The following SFMBT2 variants were observed in gnomAD, a reference collection of about 807,000 sequenced individuals.
SFMBT2 encodes Scm like with four mbt domains 2, also known as scm-like with four MBT domains protein 2.
A neutral mutation model predicts 110.1 loss-of-function variants in SFMBT2; 38 were observed. The ratio of observed to expected loss-of-function variants is 0.35; its 90% CI spans 0.27 to 0.45. The LOEUF (loss-of-function observed/expected upper bound fraction) is 0.45, where lower values mean the gene tolerates loss of function less well. SFMBT2 is among the 20% of genes least tolerant of loss of function. The pLI, the probability that SFMBT2 is intolerant of heterozygous loss-of-function variation, is 1.00. For missense variants in SFMBT2, 1,011 were observed against 1,094.9 expected (o/e 0.92, Z 1.08); for synonymous variants, 425 against 425.4 (o/e 1.00, Z 0.01).
At chr10:7,374,274 CA>C (rs980645580) in intron 2 of SFMBT2, among the ~76,000 whole-genome samples, 1 of 151,414 alleles carries the variant, frequency 6.6e-6, no homozygotes, top group Non-Finnish European at 1.5e-5. Flanking sequence ...CAAAACAAAA[CA>C]AAAAAAAGGA....
intron 4 of SFMBT2, among the ~76,000 whole-genome samples, chr10:7,349,491 CTT>C (rs774593252): frequency 2.3e-5 from 2 of 87,838 alleles, no homozygotes; most frequent in African/African-American, 4.7e-5. Context: ...GAGTTTTGCT[CTT>C]GTCTCCCAGG....
At chr10:7,359,896 T>C (rs996010167) in intron 4 of SFMBT2, among the ~76,000 whole-genome samples, 11 of 152,142 alleles carry the variant, frequency 7.2e-5, no homozygotes, top group African/African-American at 2.4e-4. Flanking sequence ...TTTACAGACC[T>C]CCTGCTATTT....
chr10:7,193,195 C>T (rs1838655898), intron 15 of SFMBT2, among the ~76,000 whole-genome samples: 1 of 152,188 alleles, frequency 6.6e-6, no homozygotes, highest in Non-Finnish European at 1.5e-5. Context: ...GCACACAGGA[C>T]AGGCCAGGTC....
chr10:7,276,938 G>A lies in SFMBT2; in HGVS notation c.824C>T (p.Ser275Phe), dbSNP rs1415422976. Reference protein sequence around the residue: ...ASEWKCTLEKSLIDAAKFPLP... With the variant: ...ASEWKCTLEKFLIDAAKFPLP... Reference sequence around the variant, plus strand: ...AGGAAATTTGGCAGCATCAATAAGGGATTTTTCCAGAGTACATTTCCATTC... The same window carrying A: ...AGGAAATTTGGCAGCATCAATAAGGAATTTTTCCAGAGTACATTTCCATTC... The change falls in exon 7 of 21, where the codon TCC (serine) becomes TTC (phenylalanine). Residue 275 changes from serine (S) to phenylalanine (F), a missense_variant. Physicochemically the swap from Ser to Phe is radical, Grantham distance 155. Coordinates refer to ENST00000397167, the MANE Select transcript of SFMBT2 (RefSeq NM_001387889.1). 5.7e-6 allele frequency: 5 copies of A among 872,774 alleles called. No homozygotes were observed. The Admixed American group carries it at 8.5e-5, about 15-fold the overall frequency. The allele number at this position is 872,774 out of a possible 1,614,324, so 54.1% of individuals were successfully genotyped here.
chr10:7,407,004 A>G (rs2249180), intron 1 of SFMBT2, among the ~76,000 whole-genome samples: 127,129 of 151,780 alleles, frequency 0.84, 53,398 homozygotes, highest in East Asian at 1. Flanking sequence ...AGGGAAGTGG[A>G]GAAGTGCGTG....
At chr10:7,233,071 C>T (rs1377676320) in intron 9 of SFMBT2, among the ~76,000 whole-genome samples, 1 of 152,152 alleles carries the variant, frequency 6.6e-6, no homozygotes, top group African/African-American at 2.4e-5. Context: ...GGAATAAAAA[C>T]TCCTCTTCTA....
chr10:7,232,316 T>A (rs1459057830), intron 9 of SFMBT2, among the ~76,000 whole-genome samples: 1 of 151,982 alleles, frequency 6.6e-6, no homozygotes, highest in Non-Finnish European at 1.5e-5. Flanking sequence ...AAAAAAAAAC[T>A]CCTACCCTTT....
At chr10:7,214,793 C>T in intron 11 of SFMBT2, 6 of 981,428 alleles carry the variant, frequency 6.1e-6, no homozygotes, top group Non-Finnish European at 7.3e-6. Flanking sequence ...TTTATTTTTC[C>T]CACCCATTCA....
At position 7,367,515 on chromosome 10, in the gene SFMBT2, T is replaced by G; in HGVS notation, c.436+134A>C. The G allele has an allele frequency of 7.1e-7, 1 of 1,407,358 alleles. No individual in the cohort carries two copies. Among genetic ancestry groups the G allele is most frequent in the Non-Finnish European group, 9.4e-7 (1 of 1,065,900 alleles). 87.2% of individuals were successfully genotyped at this position (1,407,358 alleles called of 1,614,324 possible). A position where few individuals can be genotyped will look rare whatever the true frequency, so the allele number is the denominator to read the frequency against. On this transcript the variant is annotated intron_variant, in intron 4 of 20. Transcript: ENST00000397167. The surrounding 1 kb of genome is among the most constrained non-coding windows in gnomAD (Gnocchi z 6.2). ...CAGCTAAGGAAACCTGAGAAACCACTCTGAAAGAACTGTGAGACCTTTGCA... is the reference window on the plus strand; with the variant it reads ...CAGCTAAGGAAACCTGAGAAACCACGCTGAAAGAACTGTGAGACCTTTGCA...
intron 15 of SFMBT2, among the ~76,000 whole-genome samples, chr10:7,192,488 A>G (rs1838630418): frequency 1.3e-5 from 2 of 152,200 alleles, no homozygotes; most frequent in Non-Finnish European, 1.5e-5. Context: ...AAAGCTTTCT[A>G]GTTTTTAGGT....
chr10:7,310,504 C>T (rs1842819882), intron 4 of SFMBT2, among the ~76,000 whole-genome samples: 1 of 152,176 alleles, frequency 6.6e-6, no homozygotes, highest in South Asian at 2.1e-4. Context: ...CATTTTAATA[C>T]AGTAGTCCAT....
chr10:7,368,417 G>A, intron 3 of SFMBT2: 6 of 961,868 alleles, frequency 6.2e-6, no homozygotes, highest in Non-Finnish European at 6.2e-6. Context: ...TTTCCAGCCT[G>A]GTGGGTCTTA....
At chr10:7,275,748 G>C (rs948522626) in intron 7 of SFMBT2, among the ~76,000 whole-genome samples, 4 of 152,132 alleles carry the variant, frequency 2.6e-5, no homozygotes, top group African/African-American at 9.7e-5. Context: ...TTACAAACAG[G>C]GGAAGTACTG....
At chr10:7,400,372 C>T (rs1459194578) in intron 1 of SFMBT2, among the ~76,000 whole-genome samples, 1 of 152,200 alleles carries the variant, frequency 6.6e-6, no homozygotes, top group Non-Finnish European at 1.5e-5. Context: ...CTGTACAAGG[C>T]CATCTCCTTC....
intron 16 of SFMBT2, among the ~76,000 whole-genome samples, chr10:7,178,283 T>C (rs1838138833): frequency 6.6e-6 from 1 of 152,174 alleles, no homozygotes; most frequent in South Asian, 2.1e-4. Flanking sequence ...CTTAAGCACT[T>C]GTCTCTGATC....
At chr10:7,273,352 T>C (rs10905146) in intron 7 of SFMBT2, among the ~76,000 whole-genome samples, 95,704 of 151,830 alleles carry the variant, frequency 0.63, 30,494 homozygotes, top group East Asian at 0.79. Flanking sequence ...GGTCCAGCTG[T>C]CTAGACAAGA....
chr10:7,296,334 T>C (rs1842406477), intron 4 of SFMBT2, among the ~76,000 whole-genome samples: 1 of 152,226 alleles, frequency 6.6e-6, no homozygotes. Flanking sequence ...CTTACAGTTC[T>C]TTTTATTAGC....
chr10:7,300,518 C>T (rs1363910331), intron 4 of SFMBT2, among the ~76,000 whole-genome samples: 1 of 152,144 alleles, frequency 6.6e-6, no homozygotes, highest in African/African-American at 2.4e-5. Flanking sequence ...TTCACACTGC[C>T]CCCTTCACAC....
intron 5 of SFMBT2, chr10:7,284,633 A>T (rs1842037353): frequency 3.9e-6 from 1 of 255,448 alleles, no homozygotes; most frequent in Non-Finnish European, 6.2e-6. Flanking sequence ...AATGACCAAA[A>T]TGCTCTCATA....
Sources: gnomAD v4.1 joint callset for allele counts (sites outside exome capture counted in the v4.1 genomes callset) on GRCh38, gnomAD v4.1.1 for gene constraint, Gnocchi (gnomAD v3.1) non-coding constraint, MANE v1.5 for transcripts, NCBI Gene and HGNC (gene_info 2026-07-23, HGNC 2026-07-21) for gene names.